Variants in CACNA2D3 observed in about 807,000 individuals in gnomAD.
CACNA2D3 encodes the protein calcium voltage-gated channel auxiliary subunit alpha2delta 3, also known as voltage-dependent calcium channel subunit alpha-2/delta-3.
CACNA2D3 carries 60 observed loss-of-function variants against 160.6 expected under a neutral mutation model. The observed-to-expected ratio is 0.37, with a 90% CI of 0.30 to 0.46. CACNA2D3 has a LOEUF of 0.46. Among genes scored for constraint, CACNA2D3 ranks in the 20% least tolerant of loss-of-function variants. CACNA2D3 has a pLI of 1.00. For synonymous variants in CACNA2D3, 558 were observed against 492.9 expected, an observed-to-expected ratio of 1.13 and a Z score of -1.75; for missense variants, 1,205 against 1,365.0, an observed-to-expected ratio of 0.88 and a Z score of 1.85.
chr3:54,213,716 G>A (rs943477582), intron 2 of CACNA2D3, among the ~76,000 whole-genome samples: 1 of 152,178 alleles, frequency 6.6e-6, no homozygotes, highest in Non-Finnish European at 1.5e-5. Context: ...TTGTGCAGTT[G>A]TCAGGTTTTC....
At chr3:55,031,983 C>G (rs1434237420) in intron 35 of CACNA2D3, among the ~76,000 whole-genome samples, 1 of 152,180 alleles carries the variant, frequency 6.6e-6, no homozygotes, top group African/African-American at 2.4e-5. Flanking sequence ...CCCCTGCAAT[C>G]TTGGATTATT....
chr3:54,253,626 A>G (rs2107428315), intron 2 of CACNA2D3, among the ~76,000 whole-genome samples: 1 of 152,268 alleles, frequency 6.6e-6, no homozygotes, highest in South Asian at 2.1e-4. Flanking sequence ...CACAGATCCA[A>G]GCCATATCAG....
At chr3:54,655,283 C>T (rs888277504) in intron 11 of CACNA2D3, among the ~76,000 whole-genome samples, 1 of 152,158 alleles carries the variant, frequency 6.6e-6, no homozygotes, top group Non-Finnish European at 1.5e-5. Flanking sequence ...CTCAATTTCT[C>T]CATCTGTAAA....
intron 2 of CACNA2D3, among the ~76,000 whole-genome samples, chr3:54,300,368 A>C (rs1354998637): frequency 6.6e-6 from 1 of 152,236 alleles, no homozygotes; most frequent in African/African-American, 2.4e-5. Context: ...TATTCTCCCA[A>C]ATGGCCCTTG....
intron 31 of CACNA2D3, among the ~76,000 whole-genome samples, chr3:55,001,038 AAAATGGAGATGATTAT>A (rs1702970659): frequency 6.6e-6 from 1 of 152,164 alleles, no homozygotes; most frequent in African/African-American, 2.4e-5. Flanking sequence ...TCCCCTCTGT[AAAATGGAGATGATTAT>A]AATCTATCTT....
chr3:54,280,271 C>T (rs373467135), intron 2 of CACNA2D3, among the ~76,000 whole-genome samples: 21 of 151,964 alleles, frequency 1.4e-4, no homozygotes, highest in East Asian at 7.7e-4. Context: ...TTAGTAGAGA[C>T]GGGGTTTCAC....
chr3:54,240,870 T>C (rs1665556077), intron 2 of CACNA2D3, among the ~76,000 whole-genome samples: 1 of 151,982 alleles, frequency 6.6e-6, no homozygotes. Flanking sequence ...GCCTTCCGAG[T>C]AGCTGGGATT....
intron 17 of CACNA2D3, among the ~76,000 whole-genome samples, chr3:54,864,630 C>T (rs1471708555): frequency 3.9e-5 from 6 of 152,182 alleles, no homozygotes; most frequent in Non-Finnish European, 7.3e-5. Flanking sequence ...TCAGGGCAGG[C>T]CAAATGAGTC....
intron 5 of CACNA2D3, among the ~76,000 whole-genome samples, chr3:54,524,013 G>A (rs1177100019): frequency 2.6e-5 from 4 of 151,226 alleles, no homozygotes; most frequent in South Asian, 2.1e-4. Flanking sequence ...TTTCATTCTA[G>A]TCTTTATTAT....
intron 12 of CACNA2D3, among the ~76,000 whole-genome samples, chr3:54,754,244 A>G (rs908813870): frequency 3.9e-5 from 6 of 152,250 alleles, no homozygotes; most frequent in African/African-American, 1.4e-4. Context: ...AAGGCAAAGC[A>G]TAGCAAGTTA....
At chr3:54,268,425 T>A (rs539183852) in intron 2 of CACNA2D3, among the ~76,000 whole-genome samples, 3 of 152,180 alleles carry the variant, frequency 2.0e-5, no homozygotes, top group Non-Finnish European at 4.4e-5. Context: ...TTTTTATTTA[T>A]TGAGATGGAG....
At chr3:54,327,912 G>C (rs1000384933) in intron 3 of CACNA2D3, among the ~76,000 whole-genome samples, 3 of 152,136 alleles carry the variant, frequency 2.0e-5, no homozygotes, top group African/African-American at 7.2e-5. Context: ...TTGTGGACAT[G>C]TCAATGAATA....
chr3:54,148,996 AT>A (rs1383581023), intron 2 of CACNA2D3, among the ~76,000 whole-genome samples: 83 of 148,436 alleles, frequency 5.6e-4, no homozygotes, highest in African/African-American at 1.6e-3. Flanking sequence ...AAAAAAAAAA[AT>A]AGACAACTCA....
At chr3:54,576,111 C>T (rs780008643) in intron 8 of CACNA2D3, among the ~76,000 whole-genome samples, 49 of 152,072 alleles carry the variant, frequency 3.2e-4, no homozygotes, top group African/African-American at 9.2e-4. Context: ...AGATGCGCCC[C>T]GAAGCCGGTC....
chr3:54,941,450 G>A (rs1701463382), intron 27 of CACNA2D3, among the ~76,000 whole-genome samples: 1 of 152,136 alleles, frequency 6.6e-6, no homozygotes, highest in South Asian at 2.1e-4. Context: ...CCCAGGGATG[G>A]GGCTTTAAGA....
intron 27 of CACNA2D3, among the ~76,000 whole-genome samples, chr3:54,911,982 G>A (rs1019552944): frequency 6.6e-6 from 1 of 152,178 alleles, no homozygotes; most frequent in Non-Finnish European, 1.5e-5. Flanking sequence ...TCTGGCTCAG[G>A]ATCTTCCATG....
chr3:54,669,738 T>A (rs1575415354), intron 11 of CACNA2D3, among the ~76,000 whole-genome samples: 2 of 147,356 alleles, frequency 1.4e-5, no homozygotes, highest in Non-Finnish European at 3.0e-5. Flanking sequence ...TGGGGCTCTT[T>A]AAAAAAAAAA....
intron 11 of CACNA2D3, among the ~76,000 whole-genome samples, chr3:54,708,145 C>T (rs1028009970): frequency 2.0e-5 from 3 of 152,092 alleles, no homozygotes; most frequent in Non-Finnish European, 2.9e-5. Flanking sequence ...TTCCTGGCCT[C>T]GAGTCGATCA....
rs1259639460 is a variant in CACNA2D3, at chr3:54,292,579, C to G, written c.205-27863C>G. ...GCCAATAAGTACATGAAAAAAAATC[C>G]TGAAATAATTTGCCTCAGTGAGATA... On this transcript the variant is annotated intron_variant, in intron 2 of 37. Coordinates refer to ENST00000474759, the MANE Select transcript of CACNA2D3 (RefSeq NM_018398.3). 5.3e-5 allele frequency among the ~76,000 whole-genome samples: 8 copies of G among 152,074 alleles called. No homozygotes were observed. In the East Asian group the frequency reaches 1.4e-3, roughly 26 times the overall value.
Sources: gnomAD v4.1 joint callset for allele counts (sites outside exome capture counted in the v4.1 genomes callset) on GRCh38, gnomAD v4.1.1 for gene constraint, MANE v1.5 for transcripts, NCBI Gene and HGNC (gene_info 2026-07-23, HGNC 2026-07-21) for gene names.